The following ESYT2 variants were observed in gnomAD, a reference collection of about 807,000 sequenced individuals.
ESYT2 encodes extended synaptotagmin 2.
ESYT2 carries 54 observed loss-of-function variants against 107.2 expected under a neutral mutation model. The ratio of observed to expected loss-of-function variants is 0.50; its 90% CI spans 0.40 to 0.63. The LOEUF (loss-of-function observed/expected upper bound fraction) is 0.63, where lower values mean the gene tolerates loss of function less well. ESYT2 is among the 30% of genes least tolerant of loss of function. The probability of loss-of-function intolerance (pLI) is 0.00; values close to 1 mark genes in which losing one functional copy is unlikely to be tolerated. For missense variants in ESYT2, 1,020 were observed against 1,094.5 expected, an observed-to-expected ratio of 0.93 and a Z score of 0.96; for synonymous variants, 491 against 434.1, an observed-to-expected ratio of 1.13 and a Z score of -1.63.
chr7:158,757,100 C>A (rs1290122248), intron 13 of ESYT2, among the ~76,000 whole-genome samples: 1 of 151,860 alleles, frequency 6.6e-6, no homozygotes, highest in Non-Finnish European at 1.5e-5. Flanking sequence ...GAATGGAGGA[C>A]CACTTCTCTA....
chr7:158,792,718 T>G (rs1035505402), intron 4 of ESYT2, among the ~76,000 whole-genome samples: 2 of 151,558 alleles, frequency 1.3e-5, no homozygotes, highest in Non-Finnish European at 2.9e-5. Context: ...TGTTCCTGAT[T>G]TTAAAGAAAA....
chr7:158,743,247 T>G (rs1837273604), intron 17 of ESYT2, among the ~76,000 whole-genome samples: 1 of 152,232 alleles, frequency 6.6e-6, no homozygotes, highest in Non-Finnish European at 1.5e-5. Context: ...ACGGTAAGGT[T>G]GCTGGGTTCA....
At chr7:158,750,714 CT>C (rs1460662883) in intron 14 of ESYT2, among the ~76,000 whole-genome samples, 2 of 149,142 alleles carry the variant, frequency 1.3e-5, no homozygotes, top group African/African-American at 2.4e-5. Context: ...AATTTCCCCC[CT>C]AAGTTAATTT....
In ESYT2 at chr7:158,756,928, A is replaced by G. The variant is rs531082210; in HGVS notation, c.1419+2558T>C. The stretch of plus-strand genomic sequence containing the variant: ...CCATCTCAAATTAAAAAAAAAAAAA[A>G]AAAAAAAAAAAGGAGGGGATAGATT... On this transcript the variant is annotated intron_variant, in intron 13 of 22. Transcript: ENST00000275418. Among the ~76,000 whole-genome samples the G allele has an allele frequency of 1.4e-4, 21 of 151,462 alleles. No individual in the cohort carries two copies. The South Asian group carries it at 4.2e-3, about 30-fold the overall frequency.
chr7:158,790,049 C>T (rs560685649), intron 4 of ESYT2, among the ~76,000 whole-genome samples: 10 of 151,422 alleles, frequency 6.6e-5, no homozygotes, highest in Admixed American at 6.6e-4. Context: ...GGGGGCGGAG[C>T]GTCCTCCTGG....
At chr7:158,807,094 AC>A (rs1839851838) in intron 1 of ESYT2, among the ~76,000 whole-genome samples, 1 of 151,894 alleles carries the variant, frequency 6.6e-6, no homozygotes, top group Non-Finnish European at 1.5e-5. Flanking sequence ...TACTAAAAAT[AC>A]AAAAAATTAG....
chr7:158,761,890 A>G (rs182808073), intron 10 of ESYT2, among the ~76,000 whole-genome samples: 52 of 152,250 alleles, frequency 3.4e-4, no homozygotes, highest in African/African-American at 1.2e-3. Context: ...AAATGTTTGA[A>G]AGCATCTCAA....
chr7:158,776,855 C>CTTTTTTT (rs746847104), intron 6 of ESYT2, among the ~76,000 whole-genome samples: 1 of 140,354 alleles, frequency 7.1e-6, no homozygotes, highest in African/African-American at 2.6e-5. Flanking sequence ...TCTAGCTTCG[C>CTTTTTTT]TTTTTTTTTT....
rs202058630 is a variant in ESYT2, at chr7:158,797,954, G to A, written c.495C>T (p.Asp165=). ...AGAGAACACTGACCTGCTGGCCCAC[G>A]TCGACCTTCGTGAAACTAAAGGTGC... is the stretch of plus-strand genomic sequence containing the variant. ...HLSTFSFTKV[D]VGQQPLRING... Residue 165 remains aspartate, a synonymous_variant, in exon 3 of 23, where the codon GAC becomes GAT. Transcript: ENST00000275418. 29 of 1,613,872 alleles carry A rather than the reference G, an allele frequency of 1.8e-5. No individual in the cohort carries two copies. The highest frequency in any genetic ancestry group is 1.6e-4 in the Middle Eastern group (1 of 6,078).
intron 6 of ESYT2, among the ~76,000 whole-genome samples, chr7:158,782,425 AAGTG>A (rs890960104): frequency 2.0e-5 from 3 of 149,360 alleles, no homozygotes; most frequent in African/African-American, 4.9e-5. Flanking sequence ...TGTGAGAACA[AAGTG>A]AGGTGTGAGT....
intron 1 of ESYT2, among the ~76,000 whole-genome samples, chr7:158,819,113 A>T (rs1018265227): frequency 6.6e-6 from 1 of 152,246 alleles, no homozygotes; most frequent in Non-Finnish European, 1.5e-5. Flanking sequence ...AAGAAAAGCA[A>T]TCTGAAGTTG....
Position 158,829,333 on chromosome 7 carries a change from A to C in ESYT2, c.86T>G (p.Leu29Arg). 2.7e-6 allele frequency: 4 copies of C among 1,479,918 alleles called. No individual in the cohort carries two copies. The South Asian group carries it at 5.1e-5, about 19-fold the overall frequency. The allele number at this position is 1,479,918 out of a possible 1,614,324, so 91.7% of individuals were successfully genotyped here. ...RAAPENPGGV[L>R]SVELPGLLAQ... ...CAGCAGCCCGGGCAGCTCCACGCTCAGCACGCCCCCGGGGTTCTCAGGCGC... is the reference window on the plus strand; with the variant it reads ...CAGCAGCCCGGGCAGCTCCACGCTCCGCACGCCCCCGGGGTTCTCAGGCGC... The change falls in exon 1 of 23, where the codon CTG (leucine) becomes CGG (arginine). Residue 29 changes from leucine (L) to arginine (R), a missense_variant. By Grantham distance (102) the Leu-to-Arg change is moderately radical. Transcript: ENST00000275418.
intron 7 of ESYT2, among the ~76,000 whole-genome samples, chr7:158,771,101 G>C (rs1451246352): frequency 2.0e-5 from 3 of 152,198 alleles, no homozygotes; most frequent in Non-Finnish European, 2.9e-5. Context: ...CTGTATTTAC[G>C]TGTGTATGTG....
chr7:158,754,073 C>G (rs545911477), intron 13 of ESYT2, among the ~76,000 whole-genome samples: 2 of 152,176 alleles, frequency 1.3e-5, no homozygotes, highest in Admixed American at 6.5e-5. Context: ...GGGGATGAGA[C>G]AGACTAGACC....
At chr7:158,819,986 T>G (rs1312803205) in intron 1 of ESYT2, among the ~76,000 whole-genome samples, 1 of 148,906 alleles carries the variant, frequency 6.7e-6, no homozygotes, top group Non-Finnish European at 1.5e-5. Flanking sequence ...ACTGAAGCTG[T>G]TATCCGAAAG....
At chr7:158,777,933 C>T (rs182847188) in intron 6 of ESYT2, among the ~76,000 whole-genome samples, 1 of 152,314 alleles carries the variant, frequency 6.6e-6, no homozygotes, top group East Asian at 1.9e-4. Flanking sequence ...CTGTTCGCTT[C>T]ACAGCACGGA....
At chr7:158,807,305 T>C (rs1388044547) in intron 1 of ESYT2, among the ~76,000 whole-genome samples, 1 of 149,072 alleles carries the variant, frequency 6.7e-6, no homozygotes, top group Admixed American at 6.7e-5. Context: ...ACTAAAAATC[T>C]ATCTACATGG....
intron 18 of ESYT2, among the ~76,000 whole-genome samples, chr7:158,739,503 C>T (rs1837111403): frequency 1.3e-5 from 2 of 152,026 alleles, no homozygotes; most frequent in African/African-American, 4.8e-5. Context: ...CCCGCCACCA[C>T]GCCCAGCTAA....
At chr7:158,747,582 C>T (rs561697184) in intron 16 of ESYT2, among the ~76,000 whole-genome samples, 30 of 152,248 alleles carry the variant, frequency 2.0e-4, no homozygotes, top group African/African-American at 3.9e-4. Flanking sequence ...AGATGTGGGG[C>T]CCGCTCGACT....
Sources: allele counts gnomAD v4.1 joint callset (sites outside exome capture counted in the v4.1 genomes callset), GRCh38; gene constraint gnomAD v4.1.1; transcripts MANE v1.5; gene names NCBI Gene and HGNC (gene_info 2026-07-23, HGNC 2026-07-21).